The following ANKRD6 variants were observed in gnomAD, a reference collection of about 807,000 sequenced individuals.
ANKRD6 encodes the protein ankyrin repeat domain-containing protein 6.
A neutral mutation model predicts 82.3 loss-of-function variants in ANKRD6; 56 were observed. The ratio of observed to expected loss-of-function variants is 0.68; its 90% CI spans 0.55 to 0.85. ANKRD6 has a LOEUF of 0.85. ANKRD6 is among the 40% of genes least tolerant of loss of function. The pLI is 0.00. For synonymous variants in ANKRD6, 347 were observed against 352.1 expected (o/e 0.99, Z 0.16); for missense variants, 852 against 907.6 (o/e 0.94, Z 0.79).
chr6:89,457,025 G>A (rs1773583428), intron 1 of ANKRD6, among the ~76,000 whole-genome samples: 1 of 152,194 alleles, frequency 6.6e-6, no homozygotes, highest in Admixed American at 6.5e-5. Context: ...CATCTGAAAG[G>A]TTGACTGGGG....
intron 9 of ANKRD6, 130 bp downstream of exon 9, chr6:89,618,161 T>A: frequency 1.0e-6 from 1 of 993,982 alleles, no homozygotes; most frequent in Non-Finnish European, 1.6e-6. Flanking sequence ...AGTGGAGGTA[T>A]AGGCATGCAT....
At chr6:89,438,370 AGTATG>A (rs1371720084) in intron 1 of ANKRD6, among the ~76,000 whole-genome samples, 2 of 152,188 alleles carry the variant, frequency 1.3e-5, no homozygotes, top group Non-Finnish European at 2.9e-5. Flanking sequence ...AGGGGGAAAG[AGTATG>A]GCAAAAGGAA....
chr6:89,631,099 T>G lies in ANKRD6; in HGVS notation c.*95T>G. On this transcript the variant is annotated 3_prime_UTR_variant, in exon 16 of 16. Coordinates refer to ENST00000339746, the MANE Select transcript of ANKRD6 (RefSeq NM_001242809.2). ...CCAAGGAGTCAACTATTGTATATAT[T>G]GCAGATTTGCCTTTTTAAAAAAATC... The G allele has an allele frequency of 7.1e-7, 1 of 1,412,750 alleles. No individual in the cohort carries two copies. 87.5% of individuals were successfully genotyped at this position (1,412,750 alleles called of 1,614,324 possible).
chr6:89,608,517 G>A (rs1000653730), intron 5 of ANKRD6, among the ~76,000 whole-genome samples: 4 of 151,448 alleles, frequency 2.6e-5, no homozygotes, highest in African/African-American at 7.3e-5. Context: ...CATCAATGAA[G>A]TGACTTCTCC....
At chr6:89,478,033 G>A (rs1776287828) in intron 1 of ANKRD6, 1 of 152,114 alleles carries the variant, frequency 6.6e-6, no homozygotes, top group South Asian at 2.1e-4. Flanking sequence ...CTCAGATTGT[G>A]ACCTTATTTA....
In ANKRD6 at chr6:89,596,068, C is replaced by T. The variant is rs1016113932; in HGVS notation, c.219+54C>T. On this transcript the variant is annotated intron_variant, in intron 3 of 15. Transcript: ENST00000339746. ...TGAGTTGGCAGGGGAGGTTTTCTGG[C>T]TAGAAATCCACAAAGTGTAAGCTGT... The T allele has an allele frequency of 4.1e-6, 6 of 1,460,020 alleles. No individual in the cohort carries two copies. In the Admixed American group the frequency reaches 5.8e-5, roughly 14 times the overall value. The allele number at this position is 1,460,020 out of a possible 1,614,324, so 90.4% of individuals were successfully genotyped here.
At chr6:89,466,325 GT>G (rs1562564820) in intron 1 of ANKRD6, among the ~76,000 whole-genome samples, 1 of 152,092 alleles carries the variant, frequency 6.6e-6, no homozygotes, top group Non-Finnish European at 1.5e-5. Flanking sequence ...CACACTTGAG[GT>G]TACTTTCCTT....
intron 1 of ANKRD6, among the ~76,000 whole-genome samples, chr6:89,453,576 C>T (rs955466695): frequency 4.0e-5 from 6 of 151,686 alleles, no homozygotes; most frequent in African/African-American, 1.5e-4. Flanking sequence ...TGGGAAGTGC[C>T]TCCAACAATT....
chr6:89,511,113 G>A (rs1441733788), intron 1 of ANKRD6, among the ~76,000 whole-genome samples: 2 of 152,196 alleles, frequency 1.3e-5, no homozygotes. Flanking sequence ...ACACCGCATT[G>A]CAAGGCTGAG....
At chr6:89,530,388 T>C (rs1782994836) in intron 1 of ANKRD6, among the ~76,000 whole-genome samples, 1 of 151,722 alleles carries the variant, frequency 6.6e-6, no homozygotes, top group South Asian at 2.1e-4. Context: ...ACCTTCAATT[T>C]GTTTAAAAAA....
At position 89,624,373 on chromosome 6, in the gene ANKRD6, C is replaced by T. The variant is rs1250420880; in HGVS notation, c.1219-166C>T. On this transcript the variant is annotated intron_variant, in intron 12 of 15. Transcript: ENST00000339746. The stretch of plus-strand genomic sequence containing the variant: ...ACCCTCTGAATTTTAGTGTCTGCTA[C>T]ACCCAAAATTTGGCCTATAAGATGT... 6 of 855,982 alleles carry T rather than the reference C, an allele frequency of 7.0e-6. No individual in the cohort carries two copies. In the East Asian group the frequency reaches 8.0e-5, roughly 11 times the overall value. 53.0% of individuals were successfully genotyped at this position (855,982 alleles called of 1,614,324 possible).
chr6:89,576,424 A>G (rs1187774145), intron 2 of ANKRD6, among the ~76,000 whole-genome samples: 1 of 152,194 alleles, frequency 6.6e-6, no homozygotes, highest in Non-Finnish European at 1.5e-5. Flanking sequence ...GGAACAGGTA[A>G]TCTGATAAAA....
intron 2 of ANKRD6, among the ~76,000 whole-genome samples, chr6:89,593,228 G>C (rs1209544343): frequency 6.6e-6 from 1 of 152,204 alleles, no homozygotes; most frequent in Non-Finnish European, 1.5e-5. Flanking sequence ...CTGTCCTCAT[G>C]TGATGAACTC....
At chr6:89,481,653 A>G (rs1776825467) in intron 1 of ANKRD6, among the ~76,000 whole-genome samples, 6 of 152,204 alleles carry the variant, frequency 3.9e-5, no homozygotes, top group Admixed American at 3.9e-4. Context: ...TATTAGCAAT[A>G]GTGATCGTGG....
intron 1 of ANKRD6, among the ~76,000 whole-genome samples, chr6:89,521,424 C>T (rs1176160830): frequency 3.9e-5 from 6 of 152,160 alleles, no homozygotes; most frequent in Admixed American, 1.3e-4. Flanking sequence ...ATGTGGCAAG[C>T]CCCCCAATGT....
chr6:89,546,344 A>G (rs1583206670), intron 1 of ANKRD6, among the ~76,000 whole-genome samples: 1 of 152,208 alleles, frequency 6.6e-6, no homozygotes, highest in African/African-American at 2.4e-5. Context: ...ACCAGTCAGA[A>G]TCTTTCATAT....
intron 6 of ANKRD6, 139 bp from the exon 7 acceptor site, chr6:89,613,653 C>T (rs1800785714): frequency 2.6e-6 from 2 of 765,316 alleles, no homozygotes; most frequent in Non-Finnish European, 4.2e-6. Context: ...GGTGGAGCAT[C>T]TATGTTAAAA....
In ANKRD6 at chr6:89,468,565, A is replaced by G. The variant is rs57524932; in HGVS notation, c.-144+35190A>G. Among the ~76,000 whole-genome samples, 1,191 of 150,188 alleles carry G rather than the reference A, an allele frequency of 7.9e-3. 42 individuals are homozygous for G. The highest frequency in any genetic ancestry group is 0.057 in the Admixed American group (848 of 14,846). ...AGAAGAATTGTCTTGGGCCACACAT[A>G]AAATATGCTAACACTAATGATAGTT... On this transcript the variant is annotated intron_variant, in intron 1 of 15. Coordinates refer to ENST00000339746, the MANE Select transcript of ANKRD6 (RefSeq NM_001242809.2).
At chr6:89,467,191 A>G (rs1044277941) in intron 1 of ANKRD6, among the ~76,000 whole-genome samples, 1 of 152,176 alleles carries the variant, frequency 6.6e-6, no homozygotes, top group Non-Finnish European at 1.5e-5. Context: ...TAAAAAAAAA[A>G]AAGACTTAGT....
Sources: allele counts gnomAD v4.1 joint callset (sites outside exome capture counted in the v4.1 genomes callset), GRCh38; gene constraint gnomAD v4.1.1; transcripts MANE v1.5; gene names NCBI Gene and HGNC (gene_info 2026-07-23, HGNC 2026-07-21).